GBF1: variants seen among roughly 807,000 people sequenced by gnomAD.
GBF1 encodes golgi brefeldin A resistant guanine nucleotide exchange factor 1.
GBF1 carries 114 observed loss-of-function variants against 210.5 expected under a neutral mutation model. The observed-to-expected ratio is 0.54, with a 90% CI of 0.47 to 0.63. The LOEUF (loss-of-function observed/expected upper bound fraction) is 0.63. Among genes scored for constraint, GBF1 ranks in the 30% least tolerant of loss-of-function variants. The probability of loss-of-function intolerance (pLI) is 0.00; values close to 1 mark genes in which losing one functional copy is unlikely to be tolerated. For missense variants in GBF1, 1,851 were observed against 2,357.7 expected (o/e 0.79, Z 4.45); for synonymous variants, 850 against 889.2 (o/e 0.96, Z 0.78).
At position 102,245,587 on chromosome 10, in the gene GBF1, G is replaced by C. The variant is rs2070730619; in HGVS notation, c.-205G>C. ...GTACCCGGCTCTACTGCCCGTCCCG[G>C]ACGACTCATCCTGGCGGACTGTGCA... On this transcript the variant is annotated 5_prime_UTR_variant, in exon 1 of 40. Coordinates refer to ENST00000369983, the MANE Select transcript of GBF1 (RefSeq NM_001377137.1). 6.6e-6 allele frequency: 1 copy of C among 152,210 alleles called. No homozygotes were observed. The highest frequency in any genetic ancestry group is 1.5e-5 in the Non-Finnish European group (1 of 68,070). 9.4% of individuals were successfully genotyped at this position (152,210 alleles called of 1,614,324 possible).
chr10:102,381,641 G>A (rs2060854357), intron 39 of GBF1, among the ~76,000 whole-genome samples: 1 of 151,744 alleles, frequency 6.6e-6, no homozygotes, highest in African/African-American at 2.4e-5. Context: ...TGGCCAACAT[G>A]GTGAAACCCC....
At chr10:102,257,892 G>A (rs1361813038) in intron 1 of GBF1, among the ~76,000 whole-genome samples, 1 of 152,066 alleles carries the variant, frequency 6.6e-6, no homozygotes, top group African/African-American at 2.4e-5. Flanking sequence ...ACCATGTCTG[G>A]CCAGAAATAT....
At chr10:102,269,765 T>A (rs1231683334) in intron 3 of GBF1, among the ~76,000 whole-genome samples, 1 of 152,196 alleles carries the variant, frequency 6.6e-6, no homozygotes, top group Non-Finnish European at 1.5e-5. Context: ...TTAAATGAAA[T>A]GAGAGCTGAT....
At chr10:102,302,517 G>A (rs2077475731) in intron 3 of GBF1, among the ~76,000 whole-genome samples, 1 of 152,022 alleles carries the variant, frequency 6.6e-6, no homozygotes, top group African/African-American at 2.4e-5. Context: ...TTTCAAAATG[G>A]GGCTACTGGC....
At position 102,363,674 on chromosome 10, in the gene GBF1, T is replaced by C. The variant is rs1259664052; in HGVS notation, c.2018-36T>C. The C allele has an allele frequency of 7.4e-6, 10 of 1,355,928 alleles. No homozygotes were observed. Among genetic ancestry groups the C allele is most frequent in the Non-Finnish European group, 1.1e-5 (10 of 944,798 alleles). The allele number at this position is 1,355,928 out of a possible 1,614,324, so 84.0% of individuals were successfully genotyped here. On this transcript the variant is annotated intron_variant, in intron 16 of 39. Coordinates refer to ENST00000369983, the MANE Select transcript of GBF1 (RefSeq NM_001377137.1). This position sits in a 1 kb window ranked among gnomAD's most constrained non-coding sequence, Gnocchi z 4.2. Reference sequence around the variant, plus strand: ...GTCCTTATCTGGGTAAAAAAAGGTGTTACAGATATTTCCCCCCTCTTCTTC... The same window carrying C: ...GTCCTTATCTGGGTAAAAAAAGGTGCTACAGATATTTCCCCCCTCTTCTTC...
the GBF1 span, chr10:102,231,557 C>T: frequency 2.8e-6 from 4 of 1,441,394 alleles, no homozygotes; most frequent in Non-Finnish European, 2.9e-6. Context: ...AGGGCCCGCG[C>T]GGGTGCGAGT....
At position 102,367,483 on chromosome 10, in the gene GBF1, T is replaced by C; in HGVS notation, c.2565T>C (p.Phe855=). 1 of 1,605,350 alleles carries C rather than the reference T, an allele frequency of 6.2e-7. No homozygotes were observed. The highest frequency in any genetic ancestry group is 8.5e-7 in the Non-Finnish European group (1 of 1,171,954). Residue 855 remains phenylalanine (F), a synonymous_variant, in exon 21 of 40, where the codon TTT becomes TTC. Transcript: ENST00000369983. Reference sequence around the variant, plus strand: ...ACTTACTGGCCTGTCTCTAGGAGTTTCGCAAAAATCTGAAAGGTGTGAATG... The same window carrying C: ...ACTTACTGGCCTGTCTCTAGGAGTTCCGCAAAAATCTGAAAGGTGTGAATG... ...KQNAPMTLEE[F]RKNLKGVNGG...
intron 29 of GBF1, among the ~76,000 whole-genome samples, chr10:102,373,164 A>G (rs1045754600): frequency 2.0e-5 from 3 of 152,256 alleles, no homozygotes; most frequent in Admixed American, 6.5e-5. Flanking sequence ...AACAGTGATA[A>G]AACAATCCAA....
intron 14 of GBF1, 132 bp downstream of exon 14, chr10:102,362,044 T>C (rs1417138637): frequency 1.3e-5 from 6 of 446,326 alleles, no homozygotes; most frequent in African/African-American, 2.1e-5. Flanking sequence ...CATTTTCTTT[T>C]CTTTTCTTTT....
At chr10:102,319,965 G>A (rs2056245136) in intron 3 of GBF1, among the ~76,000 whole-genome samples, 2 of 152,012 alleles carry the variant, frequency 1.3e-5, no homozygotes, top group African/African-American at 4.8e-5. Flanking sequence ...CTGACCTAAG[G>A]TGATGTGCCT....
chr10:102,382,625 G>T lies in GBF1; in HGVS notation c.*289G>T. On this transcript the variant is annotated 3_prime_UTR_variant, in exon 40 of 40. Coordinates refer to ENST00000369983, the MANE Select transcript of GBF1 (RefSeq NM_001377137.1). ...GCCCGGCAGCTCTGGGGAGGCATCC[G>T]TGTGCCGGCCCTGCAGTGCCTGCCC... is the stretch of plus-strand genomic sequence containing the variant. 2 of 383,432 alleles carry T rather than the reference G, an allele frequency of 5.2e-6. No individual in the cohort carries two copies. The highest frequency in any genetic ancestry group is 6.7e-5 in the South Asian group (1 of 15,010). The allele number at this position is 383,432 out of a possible 1,614,324, so 23.8% of individuals were successfully genotyped here.
chr10:102,332,860 G>A (rs1176286448), intron 3 of GBF1, among the ~76,000 whole-genome samples: 2 of 152,150 alleles, frequency 1.3e-5, no homozygotes, highest in Admixed American at 1.3e-4. Context: ...GAAGCATCCT[G>A]AGAAGCTAAG....
intron 3 of GBF1, among the ~76,000 whole-genome samples, chr10:102,333,755 G>A (rs572467673): frequency 1.3e-5 from 2 of 152,086 alleles, no homozygotes; most frequent in Admixed American, 6.6e-5. Flanking sequence ...GTCCTCTAGT[G>A]ACCAAAAAGA....
In GBF1 at chr10:102,369,404, G is replaced by A; in HGVS notation, c.3150+17G>A. 1.3e-6 allele frequency: 2 copies of A among 1,592,820 alleles called. No individual in the cohort carries two copies. Among genetic ancestry groups the A allele is most frequent in the Non-Finnish European group, 8.6e-7 (1 of 1,161,424 alleles). The stretch of plus-strand genomic sequence containing the variant: ...ATGATAGAGGTAATTCTTAGTAGGA[G>A]ACTAGTGAGCGATAACAAGGCAAGA... On this transcript the variant is annotated intron_variant, in intron 24 of 39. Coordinates refer to ENST00000369983, the MANE Select transcript of GBF1 (RefSeq NM_001377137.1).
chr10:102,317,403 G>C (rs1396274989), intron 3 of GBF1, among the ~76,000 whole-genome samples: 1 of 152,108 alleles, frequency 6.6e-6, no homozygotes, highest in Non-Finnish European at 1.5e-5. Flanking sequence ...TGGATCACCT[G>C]AGGTCAGGAG....
At chr10:102,360,427 C>G (rs778101014) in intron 12 of GBF1, 32 bp downstream of exon 12, 1 of 1,426,336 alleles carries the variant, frequency 7.0e-7, no homozygotes, top group Non-Finnish European at 9.9e-7. Flanking sequence ...GTCTCAGAGC[C>G]TCTTTCAAGG....
chr10:102,259,093 A>G (rs2134008623), intron 2 of GBF1, 59 bp downstream of exon 2: 1 of 873,746 alleles, frequency 1.1e-6, no homozygotes, highest in Middle Eastern at 2.2e-4. Flanking sequence ...ATCTGTTGGC[A>G]TGGTTAAAAG....
At chr10:102,242,652 A>G (rs3758551), upstream of GBF1, among the ~76,000 whole-genome samples, 102,220 of 152,040 alleles carry the variant, frequency 0.67, 35,028 homozygotes, top group African/African-American at 0.81. Flanking sequence ...GCCCAGGCCA[A>G]ACACTGTGGC....
At chr10:102,287,802 T>C (rs2076087964) in intron 3 of GBF1, among the ~76,000 whole-genome samples, 1 of 152,204 alleles carries the variant, frequency 6.6e-6, no homozygotes. Context: ...ACTCCTGCTA[T>C]ATTATATTAG....
Sources: allele counts gnomAD v4.1 joint callset (sites outside exome capture counted in the v4.1 genomes callset), GRCh38; gene constraint gnomAD v4.1.1; non-coding constraint Gnocchi (gnomAD v3.1); transcripts MANE v1.5; gene names NCBI Gene and HGNC (gene_info 2026-07-23, HGNC 2026-07-21).